Variants in SLC9D1 observed in about 807,000 individuals in gnomAD.
SLC9D1 encodes the protein solute carrier family 9 member D1.
chr13:113,546,315 G>A, the SLC9D1 span, among the ~76,000 whole-genome samples: 9 of 151,908 alleles, frequency 5.9e-5, no homozygotes, highest in Non-Finnish European at 1.2e-4. This position sits in a 1 kb window ranked among gnomAD's most constrained non-coding sequence, Gnocchi z 7.1. Context: ...CCAGGCCGCC[G>A]TGGGGCTGGG....
chr13:113,545,444 A>G, the SLC9D1 span, among the ~76,000 whole-genome samples: 309 of 152,380 alleles, frequency 2.0e-3, no homozygotes, highest in Middle Eastern at 0.01. Flanking sequence ...ATGACCCTGC[A>G]TAGAAAAGTC....
At chr13:113,496,199 A>C in the SLC9D1 span, among the ~76,000 whole-genome samples, 3 of 152,224 alleles carry the variant, frequency 2.0e-5, no homozygotes, top group African/African-American at 7.2e-5. Context: ...CTTTCACAGG[A>C]AATCGCATCT....
At chr13:113,497,412 C>G in the SLC9D1 span, among the ~76,000 whole-genome samples, 1 of 149,684 alleles carries the variant, frequency 6.7e-6, no homozygotes, top group Non-Finnish European at 1.5e-5. Context: ...TGTGTGAGAC[C>G]TGCAGCTCTG....
the SLC9D1 span, among the ~76,000 whole-genome samples, chr13:113,535,959 G>C: frequency 1.3e-5 from 2 of 152,344 alleles, no homozygotes; most frequent in Admixed American, 1.3e-4. This position sits in a 1 kb window ranked among gnomAD's most constrained non-coding sequence, Gnocchi z 4.1. Context: ...TGCTGTGTCC[G>C]TATCAGCACC....
chr13:113,548,566 C>T, the SLC9D1 span: 1 of 1,174,846 alleles, frequency 8.5e-7, no homozygotes, highest in Non-Finnish European at 1.2e-6. Flanking sequence ...GGGCAGGGTC[C>T]TCCTCCAGGG....
the SLC9D1 span, among the ~76,000 whole-genome samples, chr13:113,519,643 T>C: frequency 6.6e-6 from 1 of 152,214 alleles, no homozygotes; most frequent in East Asian, 1.9e-4. Flanking sequence ...GCTCATTCCG[T>C]GTGGTGGCTT....
At chr13:113,537,446 G>A in the SLC9D1 span, among the ~76,000 whole-genome samples, 24 of 152,230 alleles carry the variant, frequency 1.6e-4, no homozygotes, top group African/African-American at 5.3e-4. Context: ...CTCCAGGCCT[G>A]GCCGCGTCGC....
the SLC9D1 span, among the ~76,000 whole-genome samples, chr13:113,533,120 G>A: frequency 1.8e-5 from 2 of 112,200 alleles, no homozygotes; most frequent in Admixed American, 9.1e-5. Context: ...TACTGAAGTC[G>A]CAGACGTGGG....
At chr13:113,511,141 C>T in the SLC9D1 span, among the ~76,000 whole-genome samples, 1 of 152,252 alleles carries the variant, frequency 6.6e-6, no homozygotes, top group Non-Finnish European at 1.5e-5. Context: ...GACCGTGTCC[C>T]TGTGCGGGGA....
the SLC9D1 span, among the ~76,000 whole-genome samples, chr13:113,515,890 CAAAAAA>C: frequency 4.8e-4 from 38 of 79,076 alleles, no homozygotes; most frequent in East Asian, 0.015. Context: ...GACTCCGTCC[CAAAAAA>C]AAAAAAAAAA....
chr13:113,522,178 A>G, the SLC9D1 span, among the ~76,000 whole-genome samples: 11 of 152,214 alleles, frequency 7.2e-5, no homozygotes, highest in Non-Finnish European at 1.0e-4. Flanking sequence ...ACCACTAGGT[A>G]TGATGTTAGC....
At chr13:113,499,321 G>C in the SLC9D1 span, among the ~76,000 whole-genome samples, 2 of 152,162 alleles carry the variant, frequency 1.3e-5, no homozygotes, top group South Asian at 4.1e-4. Flanking sequence ...TGTATCTTGT[G>C]ATATCAGTCT....
the SLC9D1 span, among the ~76,000 whole-genome samples, chr13:113,546,158 C>T: frequency 6.3e-4 from 96 of 152,250 alleles, no homozygotes; most frequent in African/African-American, 2.3e-3. This position sits in a 1 kb window ranked among gnomAD's most constrained non-coding sequence, Gnocchi z 7.1. Context: ...GACATAGGGC[C>T]GTGACGGTAG....
the SLC9D1 span, among the ~76,000 whole-genome samples, chr13:113,531,101 C>T: frequency 1.3e-5 from 2 of 152,224 alleles, no homozygotes; most frequent in Non-Finnish European, 2.9e-5. Flanking sequence ...CACCCACTGC[C>T]ACCATCAGTG....
At chr13:113,517,919 G>A in the SLC9D1 span, among the ~76,000 whole-genome samples, 1 of 152,058 alleles carries the variant, frequency 6.6e-6, no homozygotes, top group Non-Finnish European at 1.5e-5. Context: ...GCTCCTTGGC[G>A]GCACCCTTAG....
At chr13:113,498,730 G>A in the SLC9D1 span, 1 of 429,388 alleles carries the variant, frequency 2.3e-6, no homozygotes, top group Admixed American at 4.9e-5. Flanking sequence ...AACACCGACA[G>A]TCAGTTCCCC....
the SLC9D1 span, among the ~76,000 whole-genome samples, chr13:113,525,954 A>G: frequency 6.6e-6 from 1 of 151,982 alleles, no homozygotes; most frequent in Non-Finnish European, 1.5e-5. Context: ...ATTCTAGAAC[A>G]AGCCGTCGTC....
the SLC9D1 span, among the ~76,000 whole-genome samples, chr13:113,517,429 C>T: frequency 7.1e-4 from 108 of 152,192 alleles, no homozygotes; most frequent in South Asian, 2.3e-3. Flanking sequence ...GGGGTTTCAC[C>T]GTGTTAGCCA....
At chr13:113,544,155 G>A in the SLC9D1 span, among the ~76,000 whole-genome samples, 1 of 152,242 alleles carries the variant, frequency 6.6e-6, no homozygotes, top group Non-Finnish European at 1.5e-5. Flanking sequence ...AGACTCCTCT[G>A]CAGGTCAGCC....
Sources: gnomAD v4.1 joint callset for allele counts (sites outside exome capture counted in the v4.1 genomes callset) on GRCh38, gnomAD v4.1.1 for gene constraint, Gnocchi (gnomAD v3.1) non-coding constraint, MANE v1.5 for transcripts, NCBI Gene and HGNC (gene_info 2026-07-23, HGNC 2026-07-21) for gene names.